The following MYLK3 variants were observed in gnomAD, a reference collection of about 807,000 sequenced individuals.
MYLK3 encodes MLC kinase.
MYLK3 carries 55 observed loss-of-function variants against 76.3 expected under a neutral mutation model. That is an observed-to-expected ratio of 0.72 (90% CI 0.58 to 0.90). MYLK3 has a LOEUF of 0.90. Ranked by LOEUF, MYLK3 falls within the 40% of genes least tolerant of loss-of-function variation. MYLK3 has a pLI of 0.00. For missense variants in MYLK3, 973 were observed against 1,053.6 expected, an observed-to-expected ratio of 0.92 and a Z score of 1.06; for synonymous variants, 416 against 425.4, an observed-to-expected ratio of 0.98 and a Z score of 0.27.
rs1966661493 is a variant in MYLK3 at position 46,709,564 on chromosome 16, T to A, written c.2375A>T (p.Lys792Ile). ...CTTCCATTTTCTTTGAGCTATGTAT[T>A]TCTGCAGCAGTAGTTGGGATTTGAG... Reference protein sequence around the residue: ...TRLKSQLLLQKYIAQRKWKKH... With the variant: ...TRLKSQLLLQIYIAQRKWKKH... The change falls in exon 12 of 13, where the codon AAA becomes ATA. Residue 792 changes from lysine to isoleucine, a missense_variant. Lys to Ile is a moderately radical substitution (Grantham distance 102). Around this residue, in one of 2 missense-constraint regions of MYLK3, gnomAD observed 332 missense variants for 416.6 expected, o/e 0.80. Transcript: ENST00000394809. The A allele has an allele frequency of 6.2e-7, 1 of 1,614,010 alleles. No homozygotes were observed. The highest frequency in any genetic ancestry group is 8.5e-7 in the Non-Finnish European group (1 of 1,180,034).
chr16:46,728,969 C>G (rs1966847273), intron 7 of MYLK3, 55 bp downstream of exon 7: 1 of 1,311,134 alleles, frequency 7.6e-7, no homozygotes. Flanking sequence ...GGCTCTAAGC[C>G]CCAGCACTGA....
Position 46,702,493 on chromosome 16 carries a change from AAATT to A in MYLK3, c.*5207_*5210del, listed in dbSNP as rs1966584057. Among the ~76,000 whole-genome samples the A allele has an allele frequency of 6.6e-6, 1 of 152,230 alleles. No individual in the cohort carries two copies. The highest frequency in any genetic ancestry group is 1.5e-5 in the Non-Finnish European group (1 of 68,042). On this transcript the variant is annotated 3_prime_UTR_variant, in exon 13 of 13. Coordinates refer to ENST00000394809, the MANE Select transcript of MYLK3 (RefSeq NM_182493.3). The stretch of plus-strand genomic sequence containing the variant: ...CACATTGCCAATATCACACCTCACA[AAATT>A]AATAGTAACTATCATCAAATGTGAA...
chr16:46,723,616 T>C lies in MYLK3; in HGVS notation c.1915-2423A>G, dbSNP rs186473595. Among the ~76,000 whole-genome samples the C allele has an allele frequency of 3.7e-3, 561 of 151,452 alleles. 4 individuals carry two copies. Among genetic ancestry groups the C allele is most frequent in the African/African-American group, 0.013 (538 of 41,298 alleles). On this transcript the variant is annotated intron_variant, in intron 8 of 12. Coordinates refer to ENST00000394809, the MANE Select transcript of MYLK3 (RefSeq NM_182493.3). ...ATTTTACAACCCCACCAGCAATGTA[T>C]GAGGGTTCCAATTTTCCCATATCCT... is the stretch of plus-strand genomic sequence containing the variant.
At chr16:46,733,566 T>C (rs1218844188) in intron 3 of MYLK3, among the ~76,000 whole-genome samples, 1 of 152,078 alleles carries the variant, frequency 6.6e-6, no homozygotes, top group Non-Finnish European at 1.5e-5. Context: ...ATACTAGGGT[T>C]TGTGAGCCCA....
rs767239263 is a variant in MYLK3 at position 46,730,689 on chromosome 16, G to A, written c.1472C>T (p.Pro491Leu). ...GTGTTCAAAAGGAGCTGGTGGGGCC[G>A]GACTGTCATCTGCTCAGGAGGCAAT... ...EAGSVVLDDS[P>L]APPAPFEHRV... The change falls in exon 5 of 13, where the codon CCG becomes CTG. Residue 491 changes from proline (P) to leucine (L), a missense_variant. Physicochemically the swap from Pro to Leu is moderately conservative, Grantham distance 98. Transcript: ENST00000394809. 45 of 1,613,794 alleles carry A rather than the reference G, an allele frequency of 2.8e-5. No individual in the cohort carries two copies. The Admixed American group carries it at 3.7e-4, about 13-fold the overall frequency.
rs180931711 is a variant in MYLK3 at position 46,722,456 on chromosome 16, C to T, written c.1915-1263G>A. Among the ~76,000 whole-genome samples, 47 of 152,288 alleles carry T rather than the reference C, an allele frequency of 3.1e-4. 1 individual carries two copies. The highest frequency in any genetic ancestry group is 1.3e-3 in the Admixed American group (20 of 15,302). Reference sequence around the variant, plus strand: ...TACTGTTTCTCCCAACAGAAGTTTTCATTGTTATTTATGTTACAATGGGGT... The same window carrying T: ...TACTGTTTCTCCCAACAGAAGTTTTTATTGTTATTTATGTTACAATGGGGT... On this transcript the variant is annotated intron_variant, in intron 8 of 12. Transcript: ENST00000394809.
rs182345390 is a variant in MYLK3 at position 46,730,117 on chromosome 16, C to T, written c.1569-430G>A. Among the ~76,000 whole-genome samples, 8 of 150,080 alleles carry T rather than the reference C, an allele frequency of 5.3e-5. No individual in the cohort carries two copies. In the East Asian group the frequency reaches 1.4e-3, roughly 26 times the overall value. On this transcript the variant is annotated intron_variant, in intron 5 of 12. Coordinates refer to ENST00000394809, the MANE Select transcript of MYLK3 (RefSeq NM_182493.3). Reference sequence around the variant, plus strand: ...ATCTCCTCACCCCACACCACTGAGGCCATCCTGCACCTGAAGGAACATCCC... The same window carrying T: ...ATCTCCTCACCCCACACCACTGAGGTCATCCTGCACCTGAAGGAACATCCC...
chr16:46,761,614 C>T (rs528927179), intron 1 of MYLK3, among the ~76,000 whole-genome samples: 3 of 151,968 alleles, frequency 2.0e-5, no homozygotes, highest in Admixed American at 6.6e-5. Flanking sequence ...GTCAGGAGTT[C>T]GAGACCAGCC....
rs768817099 is a variant in MYLK3 at position 46,737,732 on chromosome 16, C to T, written c.980G>A (p.Ser327Asn). Residue 327 changes from serine (S) to asparagine (N), a missense_variant, in exon 3 of 13, where the codon AGT (serine) becomes AAT (asparagine). Transcript: ENST00000394809. ...TTACCTTGGAGGTGTTTCTCCACCA[C>T]TGTGGGTTGCCCTGGCCTGGGCTGG... Reference protein sequence around the residue: ...GLPAQARATHSGGETPPRISI... With the variant: ...GLPAQARATHNGGETPPRISI... The T allele has an allele frequency of 1.2e-6, 2 of 1,604,878 alleles. No individual in the cohort carries two copies. The highest frequency in any genetic ancestry group is 1.7e-6 in the Non-Finnish European group (2 of 1,174,712).
At chr16:46,723,591 A>T (rs1285933337) in intron 8 of MYLK3, among the ~76,000 whole-genome samples, 1 of 149,992 alleles carries the variant, frequency 6.7e-6, no homozygotes, top group Non-Finnish European at 1.5e-5. Context: ...GCGAATGCAC[A>T]TTTTACAACC....
intron 1 of MYLK3, among the ~76,000 whole-genome samples, chr16:46,759,209 T>C (rs1967244532): frequency 6.6e-6 from 1 of 152,210 alleles, no homozygotes; most frequent in Non-Finnish European, 1.5e-5. Context: ...AGACTTCTCA[T>C]TTACTCTCTT....
Position 46,728,329 on chromosome 16 carries a change from C to T in MYLK3, c.1772+695G>A, listed in dbSNP as rs568141165. Among the ~76,000 whole-genome samples the T allele has an allele frequency of 7.2e-5, 11 of 152,132 alleles. No individual in the cohort carries two copies. The East Asian group carries it at 7.7e-4, about 11-fold the overall frequency. ...TCACTTCCACTTGGAAAGGCAGGCC[C>T]GGCATTTACTACATCTTTTATGTTT... On this transcript the variant is annotated intron_variant, in intron 7 of 12. Coordinates refer to ENST00000394809, the MANE Select transcript of MYLK3 (RefSeq NM_182493.3).
intron 1 of MYLK3, among the ~76,000 whole-genome samples, chr16:46,759,553 C>T (rs1384950889): frequency 3.3e-5 from 5 of 152,172 alleles, no homozygotes; most frequent in African/African-American, 7.2e-5. Context: ...CAAAGTCAGA[C>T]TCGAGTTTGC....
intron 3 of MYLK3, among the ~76,000 whole-genome samples, chr16:46,736,943 G>A (rs1012481741): frequency 3.9e-5 from 6 of 152,196 alleles, no homozygotes; most frequent in Admixed American, 2.0e-4. Context: ...CAGGTCCTCA[G>A]GCTGCGTTCT....
intron 3 of MYLK3, among the ~76,000 whole-genome samples, chr16:46,735,573 C>T (rs751078015): frequency 6.6e-5 from 10 of 152,306 alleles, no homozygotes; most frequent in African/African-American, 2.2e-4. Flanking sequence ...GCCCCGTCCC[C>T]GTGTCTGAGC....
upstream of MYLK3, among the ~76,000 whole-genome samples, chr16:46,751,413 G>GA (rs368382591): frequency 7.7e-3 from 1,127 of 146,858 alleles, 13 homozygotes; most frequent in African/African-American, 0.026. Flanking sequence ...TCTCAAAAAA[G>GA]AAAAAAAAAA....
chr16:46,711,386 C>T (rs137970014), intron 10 of MYLK3, among the ~76,000 whole-genome samples: 11 of 152,252 alleles, frequency 7.2e-5, no homozygotes, highest in Middle Eastern at 3.4e-3. Flanking sequence ...GAAGCAGCCA[C>T]GGGAAGTCCA....
rs1967063866 is a variant in MYLK3, at chr16:46,748,156, C to A, written c.38G>T (p.Gly13Val). The A allele has an allele frequency of 8.1e-6, 13 of 1,614,060 alleles. No individual in the cohort carries two copies. The highest frequency in any genetic ancestry group is 1.1e-5 in the Non-Finnish European group (13 of 1,179,954). The change falls in exon 1 of 13, where the codon GGG (glycine) becomes GTG (valine). Residue 13 changes from glycine to valine, a missense_variant. Physicochemically the swap from Gly to Val is moderately radical, Grantham distance 109 (BLOSUM62 -3). This residue lies in a region of MYLK3 where 641 missense variants were observed against 637.0 expected (regional missense o/e 1.01). Coordinates refer to ENST00000394809, the MANE Select transcript of MYLK3 (RefSeq NM_182493.3). This position sits in a 1 kb window ranked among gnomAD's most constrained non-coding sequence, Gnocchi z 4.3. ...GTSKESLGHG[G>V]LPGLGKTCLT... Reference sequence around the variant, plus strand: ...GCAGGTCTTGCCCAACCCTGGCAGCCCCCCATGCCCCAGACTCTCCTTGGA... The same window carrying A: ...GCAGGTCTTGCCCAACCCTGGCAGCACCCCATGCCCCAGACTCTCCTTGGA...
rs752745921 is a variant in MYLK3, at chr16:46,738,086, G to A, written c.626C>T (p.Ala209Val). The A allele has an allele frequency of 4.4e-6, 7 of 1,594,866 alleles. No homozygotes were observed. The highest frequency in any genetic ancestry group is 2.2e-5 in the South Asian group (2 of 90,024). ...GTAERLPPIRASGLGADPAQA... is the reference protein window; with the variant it reads ...GTAERLPPIRVSGLGADPAQA... ...GGCGGGGTCAGCTCCCAGCCCTGAC[G>A]CTCTGATGGGGGGCAGCCTCTCCGC... The change falls in exon 3 of 13, where the codon GCG (alanine) becomes GTG (valine). Residue 209 changes from alanine (A) to valine (V), a missense_variant. Transcript: ENST00000394809.
Sources: gnomAD v4.1 joint callset for allele counts (sites outside exome capture counted in the v4.1 genomes callset) on GRCh38, gnomAD v4.1.1 for gene constraint, gnomAD v4.1.1 regional missense constraint, Gnocchi (gnomAD v3.1) non-coding constraint, MANE v1.5 for transcripts, NCBI Gene and HGNC (gene_info 2026-07-23, HGNC 2026-07-21) for gene names.